Variants in PPP1CB observed in about 807,000 individuals in gnomAD.
PPP1CB encodes the protein serine/threonine-protein phosphatase PP1-beta catalytic subunit.
PPP1CB carries 2 observed loss-of-function variants against 43.7 expected under a neutral mutation model. The ratio of observed to expected loss-of-function variants is 0.05; its 90% CI spans 0.02 to 0.14. The LOEUF is 0.14. Among genes scored for constraint, PPP1CB ranks in the 10% least tolerant of loss-of-function variants. The pLI is 1.00. For missense variants in PPP1CB, 84 were observed against 398.0 expected (o/e 0.21, Z 6.71); for synonymous variants, 136 against 135.6 (o/e 1.00, Z -0.02).
chr2:28,796,554 T>C (rs1667501466), intron 7 of PPP1CB, among the ~76,000 whole-genome samples: 1 of 152,130 alleles, frequency 6.6e-6, no homozygotes, highest in African/African-American at 2.4e-5. Flanking sequence ...GTAAATGCAG[T>C]TCTTGATTTG....
intron 5 of PPP1CB, among the ~76,000 whole-genome samples, chr2:28,786,601 G>A (rs541033952): frequency 4.0e-5 from 6 of 151,150 alleles, no homozygotes; most frequent in South Asian, 2.1e-4. Context: ...TGGCTAACAC[G>A]GTGAAACCCC....
intron 1 of PPP1CB, among the ~76,000 whole-genome samples, chr2:28,754,573 CA>C (rs1000374327): frequency 5.9e-5 from 9 of 152,192 alleles, no homozygotes; most frequent in Admixed American, 5.9e-4. Context: ...CCTACAGAAG[CA>C]TATTTAGTTT....
intron 1 of PPP1CB, among the ~76,000 whole-genome samples, chr2:28,754,450 T>C (rs545349779): frequency 1.3e-4 from 20 of 152,286 alleles, no homozygotes; most frequent in African/African-American, 4.6e-4. Context: ...AATCCTAAGA[T>C]AAGACACAGT....
rs1667593990 is a variant in PPP1CB at position 28,800,597 on chromosome 2, T to C, written c.*1294T>C. ...TGCAGCCTTTCTTTTCCTATTTCTT[T>C]TTTTTAAGGGTTAGTATTAACAAAT... On this transcript the variant is annotated 3_prime_UTR_variant, in exon 8 of 8. Transcript: ENST00000395366. The C allele has an allele frequency of 6.6e-6, 1 of 152,528 alleles. No homozygotes were observed. Among genetic ancestry groups the C allele is most frequent in the Non-Finnish European group, 1.5e-5 (1 of 67,944 alleles). The allele number at this position is 152,528 out of a possible 1,614,324, so 9.4% of individuals were successfully genotyped here.
At chr2:28,776,683 A>C (rs1007592880) in intron 1 of PPP1CB, among the ~76,000 whole-genome samples, 168 bp from the exon 2 acceptor site, 1 of 152,230 alleles carries the variant, frequency 6.6e-6, no homozygotes, top group African/African-American at 2.4e-5. Flanking sequence ...AACAATGAAA[A>C]TAGAAGTCAG....
At chr2:28,759,385 A>G (rs1034005415) in intron 1 of PPP1CB, among the ~76,000 whole-genome samples, 4 of 151,862 alleles carry the variant, frequency 2.6e-5, no homozygotes, top group South Asian at 2.1e-4. Flanking sequence ...GCTTGGTGGC[A>G]TGCATATGCC....
At chr2:28,786,375 A>G (rs997296023) in intron 5 of PPP1CB, among the ~76,000 whole-genome samples, 1 of 152,040 alleles carries the variant, frequency 6.6e-6, no homozygotes, top group African/African-American at 2.4e-5. Context: ...CGGCCTCCCA[A>G]AGTGCTGGGA....
intron 1 of PPP1CB, among the ~76,000 whole-genome samples, chr2:28,775,132 G>T (rs917149253): frequency 6.6e-6 from 1 of 151,740 alleles, no homozygotes; most frequent in Non-Finnish European, 1.5e-5. Context: ...TGGAGATGGG[G>T]TCTCACTCTC....
intron 1 of PPP1CB, among the ~76,000 whole-genome samples, chr2:28,771,746 T>C (rs1351029660): frequency 1.3e-5 from 2 of 152,108 alleles, no homozygotes; most frequent in Non-Finnish European, 2.9e-5. Context: ...GGTTATAGAA[T>C]GAAGTGGGCT....
intron 1 of PPP1CB, among the ~76,000 whole-genome samples, chr2:28,764,837 C>T (rs561695071): frequency 9.2e-5 from 14 of 152,156 alleles, no homozygotes; most frequent in African/African-American, 3.4e-4. Context: ...AGGAGATTCA[C>T]CTGAAGCCAG....
chr2:28,784,416 T>G (rs990741734), intron 5 of PPP1CB, among the ~76,000 whole-genome samples: 4 of 152,190 alleles, frequency 2.6e-5, no homozygotes, highest in Non-Finnish European at 5.9e-5. Flanking sequence ...GTCCTCTATT[T>G]GAAATTTTTA....
intron 3 of PPP1CB, among the ~76,000 whole-genome samples, chr2:28,779,709 T>G (rs1396934425): frequency 6.6e-6 from 1 of 152,236 alleles, no homozygotes; most frequent in African/African-American, 2.4e-5. Flanking sequence ...ATTGAATTTT[T>G]TATTGCTGTC....
chr2:28,781,542 G>T (rs74585742), intron 3 of PPP1CB, among the ~76,000 whole-genome samples, 196 bp from the exon 4 acceptor site: 2 of 152,184 alleles, frequency 1.3e-5, no homozygotes, highest in African/African-American at 4.8e-5. Context: ...TTTACTGAAG[G>T]TATTGAATGT....
chr2:28,797,540 CAT>C (rs1667521152), intron 7 of PPP1CB, among the ~76,000 whole-genome samples: 2 of 151,842 alleles, frequency 1.3e-5, no homozygotes, highest in African/African-American at 4.8e-5. Flanking sequence ...CTTAGGAGGT[CAT>C]GTGTGTTTCT....
intron 7 of PPP1CB, among the ~76,000 whole-genome samples, chr2:28,797,117 A>G (rs1056178493): frequency 6.6e-6 from 1 of 152,138 alleles, no homozygotes; most frequent in Non-Finnish European, 1.5e-5. Flanking sequence ...CCCCAGGAAT[A>G]AACCCTTCTT....
intron 1 of PPP1CB, among the ~76,000 whole-genome samples, chr2:28,762,383 G>T (rs1165241727): frequency 3.9e-5 from 6 of 152,224 alleles, no homozygotes; most frequent in Non-Finnish European, 7.3e-5. Flanking sequence ...AAAAATGTGA[G>T]AAGTGCCATC....
chr2:28,779,115 T>C (rs977250284), intron 3 of PPP1CB, 76 bp downstream of exon 3: 52 of 1,144,802 alleles, frequency 4.5e-5, no homozygotes, highest in Non-Finnish European at 6.0e-5. Context: ...GAAGAGTTGC[T>C]TTGATTCAGA....
chr2:28,762,548 T>A (rs1666680532), intron 1 of PPP1CB, among the ~76,000 whole-genome samples: 2 of 152,208 alleles, frequency 1.3e-5, no homozygotes, highest in Admixed American at 1.3e-4. Context: ...GTTTAATAGC[T>A]GTTCTAGATA....
At chr2:28,786,774 C>CAAAAAAAA (rs70956040) in intron 5 of PPP1CB, among the ~76,000 whole-genome samples, 9 of 94,902 alleles carry the variant, frequency 9.5e-5, no homozygotes, top group East Asian at 4.1e-4. Context: ...GACTCCGTCT[C>CAAAAAAAA]AAAAAAAAAA....
Sources: gnomAD v4.1 joint callset for allele counts (sites outside exome capture counted in the v4.1 genomes callset) on GRCh38, gnomAD v4.1.1 for gene constraint, MANE v1.5 for transcripts, NCBI Gene and HGNC (gene_info 2026-07-23, HGNC 2026-07-21) for gene names.